CAMK2D: variants seen among roughly 807,000 people sequenced by gnomAD.
CAMK2D encodes calcium/calmodulin dependent protein kinase II delta, also known as calcium/calmodulin-dependent protein kinase type II subunit delta.
A neutral mutation model predicts 84.0 loss-of-function variants in CAMK2D; 37 were observed. The ratio of observed to expected loss-of-function variants is 0.44; its 90% CI spans 0.34 to 0.58. The LOEUF (loss-of-function observed/expected upper bound fraction) is 0.58. Among genes scored for constraint, CAMK2D ranks in the 20% least tolerant of loss-of-function variants. The pLI, the probability that CAMK2D is intolerant of heterozygous loss-of-function variation, is 0.02. For missense variants in CAMK2D, 448 were observed against 652.5 expected (o/e 0.69, Z 3.41); for synonymous variants, 202 against 212.5 (o/e 0.95, Z 0.43).
At chr4:113,462,842 C>T (rs756416864) in intron 17 of CAMK2D, among the ~76,000 whole-genome samples, 5 of 150,422 alleles carry the variant, frequency 3.3e-5, no homozygotes, top group Non-Finnish European at 5.9e-5. Flanking sequence ...CAAGGAAATG[C>T]TATTGCAAAA....
chr4:113,596,549 G>T (rs1411802147), intron 4 of CAMK2D, among the ~76,000 whole-genome samples: 1 of 152,172 alleles, frequency 6.6e-6, no homozygotes, highest in Non-Finnish European at 1.5e-5. Context: ...CCCAGAGGTT[G>T]CAGAATGGAT....
intron 4 of CAMK2D, among the ~76,000 whole-genome samples, chr4:113,600,551 TGAA>T (rs1426670777): frequency 6.6e-6 from 1 of 152,144 alleles, no homozygotes; most frequent in Non-Finnish European, 1.5e-5. Flanking sequence ...TCTAACTTCA[TGAA>T]GATGAATTAT....
chr4:113,629,966 T>C (rs997525867), intron 3 of CAMK2D, among the ~76,000 whole-genome samples: 5 of 151,930 alleles, frequency 3.3e-5, no homozygotes, highest in African/African-American at 1.2e-4. Flanking sequence ...AGAATGGCAA[T>C]TTAATTTAGC....
Position 113,680,578 on chromosome 4 carries a change from G to T in CAMK2D, c.161-18806C>A, listed in dbSNP as rs555715354. ...GTTTAATAGGTTCAAGAAGCTGAGT[G>T]GGACAAACAAACAAAAAGATATAAA... is the stretch of plus-strand genomic sequence containing the variant. On this transcript the variant is annotated intron_variant, in intron 2 of 20. Transcript: ENST00000511664. 2.6e-5 allele frequency among the ~76,000 whole-genome samples: 4 copies of T among 152,306 alleles called. No individual in the cohort carries two copies. In the South Asian group the frequency reaches 8.3e-4, roughly 32 times the overall value.
chr4:113,455,649 C>T (rs1589605268), intron 20 of CAMK2D, 77 bp downstream of exon 20: 2 of 800,320 alleles, frequency 2.5e-6, no homozygotes, highest in East Asian at 2.5e-5. Context: ...AAAATATCCT[C>T]AAAAGGAAGG....
At chr4:113,740,456 T>G (rs532114891) in intron 2 of CAMK2D, among the ~76,000 whole-genome samples, 2 of 152,004 alleles carry the variant, frequency 1.3e-5, no homozygotes, top group Non-Finnish European at 2.9e-5. Context: ...AGAAAATAGA[T>G]GAGTGGTTGC....
intron 2 of CAMK2D, among the ~76,000 whole-genome samples, chr4:113,695,611 T>C (rs2099400177): frequency 6.6e-6 from 1 of 152,054 alleles, no homozygotes; most frequent in Non-Finnish European, 1.5e-5. Context: ...GCAGCTCCTA[T>C]GGGGTCTGCT....
chr4:113,714,965 A>C (rs546585930), intron 2 of CAMK2D, among the ~76,000 whole-genome samples: 1 of 152,234 alleles, frequency 6.6e-6, no homozygotes, highest in Non-Finnish European at 1.5e-5. Flanking sequence ...TTTATAGATT[A>C]ATTTGGGGAG....
chr4:113,664,067 A>G (rs1365250704), intron 2 of CAMK2D, among the ~76,000 whole-genome samples: 1 of 152,194 alleles, frequency 6.6e-6, no homozygotes, highest in Non-Finnish European at 1.5e-5. Flanking sequence ...ACGTGAAGAG[A>G]CGAGGATAAG....
intron 3 of CAMK2D, among the ~76,000 whole-genome samples, chr4:113,629,405 G>T (rs1285337991): frequency 6.6e-6 from 1 of 151,814 alleles, no homozygotes; most frequent in Non-Finnish European, 1.5e-5. Context: ...TAAATTTCTG[G>T]TTTTTAAACT....
chr4:113,649,804 AGGCGTGGTGG>A (rs748894301), intron 3 of CAMK2D, among the ~76,000 whole-genome samples: 2 of 152,236 alleles, frequency 1.3e-5, no homozygotes, highest in Non-Finnish European at 2.9e-5. Context: ...ACAACTGGCC[AGGCGTGGTGG>A]CTCATGCCTG....
rs1334613336 is a variant in CAMK2D at position 113,451,184 on chromosome 4, T to C, written c.*3361A>G. On this transcript the variant is annotated 3_prime_UTR_variant, in exon 21 of 21. Transcript: ENST00000511664. ...ATTTCCTTAGAATATACTGATTTGC[T>C]ACTACATTTCATTTTTCCTACATTC... 6.6e-6 allele frequency: 1 copy of C among 152,220 alleles called. No homozygotes were observed. The highest frequency in any genetic ancestry group is 2.4e-5 in the African/African-American group (1 of 41,460). The allele number at this position is 152,220 out of a possible 1,614,324, so 9.4% of individuals were successfully genotyped here.
intron 2 of CAMK2D, among the ~76,000 whole-genome samples, chr4:113,675,386 T>G (rs2099314043): frequency 6.6e-6 from 1 of 152,188 alleles, no homozygotes; most frequent in Non-Finnish European, 1.5e-5. Context: ...TTAAATCCCT[T>G]AGGCAATTAT....
intron 2 of CAMK2D, chr4:113,677,527 G>A: frequency 3.1e-6 from 3 of 965,962 alleles, no homozygotes; most frequent in Non-Finnish European, 3.7e-6. Context: ...GAAGGAACTT[G>A]CTCGTCTTAC....
chr4:113,689,128 C>T (rs1330851106), intron 2 of CAMK2D, among the ~76,000 whole-genome samples: 2 of 152,064 alleles, frequency 1.3e-5, no homozygotes, highest in East Asian at 3.9e-4. Context: ...CACCTGTAGT[C>T]CCAGCTACTT....
intron 13 of CAMK2D, chr4:113,508,370 G>A (rs1447358740): frequency 1.1e-5 from 9 of 828,164 alleles, no homozygotes; most frequent in Non-Finnish European, 1.6e-5. Flanking sequence ...TTTTTAAAGA[G>A]GAGCTATAAG....
chr4:113,646,663 C>T (rs2099153216), intron 3 of CAMK2D, among the ~76,000 whole-genome samples: 1 of 152,080 alleles, frequency 6.6e-6, no homozygotes, highest in African/African-American at 2.4e-5. Flanking sequence ...GGGGTTGGAG[C>T]AGAGCAACTG....
At chr4:113,622,575 G>C (rs774472529) in intron 3 of CAMK2D, among the ~76,000 whole-genome samples, 4 of 152,124 alleles carry the variant, frequency 2.6e-5, no homozygotes, top group Non-Finnish European at 5.9e-5. Context: ...GACCAGCCCG[G>C]GCCACAAAGT....
intron 16 of CAMK2D, among the ~76,000 whole-genome samples, chr4:113,468,057 G>A (rs1213417680): frequency 2.6e-5 from 4 of 151,952 alleles, no homozygotes; most frequent in Non-Finnish European, 5.9e-5. Flanking sequence ...AGCTTCATTA[G>A]GGTAGGCTTC....
Sources: gnomAD v4.1 joint callset for allele counts (sites outside exome capture counted in the v4.1 genomes callset) on GRCh38, gnomAD v4.1.1 for gene constraint, MANE v1.5 for transcripts, NCBI Gene and HGNC (gene_info 2026-07-23, HGNC 2026-07-21) for gene names.